ZNF200: variants seen among roughly 807,000 people sequenced by gnomAD.
ZNF200 encodes the protein zinc finger protein 200.
A neutral mutation model predicts 33.6 loss-of-function variants in ZNF200; 35 were observed. The ratio of observed to expected loss-of-function variants is 1.04; its 90% confidence interval spans 0.80 to 1.38. ZNF200 has a LOEUF of 1.38. Among genes scored for constraint, ZNF200 ranks in the 40% most tolerant of loss-of-function variants. ZNF200 has a pLI of 0.00. For missense variants in ZNF200, 592 were observed against 470.6 expected (o/e 1.26, Z -2.39); for synonymous variants, 209 against 167.7 (o/e 1.25, Z -1.90).
intron 4 of ZNF200, 26 bp from the exon 5 acceptor site, chr16:3,224,639 C>T (rs563505894): frequency 1.3e-6 from 2 of 1,553,672 alleles, no homozygotes; most frequent in African/African-American, 2.7e-5. Flanking sequence ...AATTTAACAA[C>T]TTCTGAGAGA....
At chr16:3,225,547 G>A (rs546959780) in intron 4 of ZNF200, 1 of 152,320 alleles carries the variant, frequency 6.6e-6, no homozygotes, top group East Asian at 1.9e-4. Context: ...AGGAAAGGAA[G>A]TAGTGAGTGG....
At position 3,233,795 on chromosome 16, in the gene ZNF200, C is replaced by T. The variant is rs748180731; in HGVS notation, c.-40G>A. 6 of 1,567,368 alleles carry T rather than the reference C, an allele frequency of 3.8e-6. No homozygotes were observed. The highest frequency in any genetic ancestry group is 1.2e-5 in the South Asian group (1 of 83,204). On this transcript the variant is annotated 5_prime_UTR_variant, in exon 2 of 5. Transcript: ENST00000414144. ...CACCACACTCGTTTCGCGGGGCCTC[C>T]AGAGCCACCTCTTACTAGAGGAAAT...
intron 4 of ZNF200, chr16:3,224,945 A>T (rs1274786508): frequency 4.2e-6 from 1 of 240,846 alleles, no homozygotes; most frequent in Admixed American, 5.0e-5. Context: ...AGGACTAGGG[A>T]TGAAGACTAT....
At position 3,229,875 on chromosome 16, in the gene ZNF200, A is replaced by G. The variant is rs529852720; in HGVS notation, c.466+2546T>C. 7.9e-3 allele frequency among the ~76,000 whole-genome samples: 1,181 copies of G among 150,178 alleles called. 16 individuals carry two copies. Among genetic ancestry groups the G allele is most frequent in the South Asian group, 0.055 (259 of 4,730 alleles). On this transcript the variant is annotated intron_variant, in intron 4 of 4. Coordinates refer to ENST00000414144, the MANE Select transcript of ZNF200 (RefSeq NM_198088.3). ...CGAGACTCCGTCTCAAAAAAAAAAA[A>G]GAAGGAAACTTCCAAATTCAAACAA...
rs1958700757 is a variant in ZNF200 at position 3,233,489 on chromosome 16, A to C, written c.250+17T>G. 11 of 1,504,832 alleles carry C rather than the reference A, an allele frequency of 7.3e-6. No individual in the cohort carries two copies. Among genetic ancestry groups the C allele is most frequent in the Non-Finnish European group, 6.2e-6 (7 of 1,128,422 alleles). The allele number at this position is 1,504,832 out of a possible 1,614,324, so 93.2% of individuals were successfully genotyped here. A position where few individuals can be genotyped will look rare whatever the true frequency, so the allele number is the denominator to read the frequency against. On this transcript the variant is annotated intron_variant, in intron 2 of 4. Transcript: ENST00000414144. ...CCTCCTCCTCCTCTTCTAGTGAAAC[A>C]AGCATGTGCTTCTCACCTCTGTTCT... is the stretch of plus-strand genomic sequence containing the variant.
At position 3,233,605 on chromosome 16, in the gene ZNF200, G is replaced by A; in HGVS notation, c.151C>T (p.Leu51Phe). Residue 51 changes from leucine (L) to phenylalanine (F), a missense_variant, in exon 2 of 5, where the codon CTC becomes TTC. By Grantham distance (22) the Leu-to-Phe change is conservative (BLOSUM62 0). Coordinates refer to ENST00000414144, the MANE Select transcript of ZNF200 (RefSeq NM_198088.3). Reference sequence around the variant, plus strand: ...AGGCTTGGCTTGGGCAAGAAGGTGAGGAAGTGCTCCAGCACTAGCTGGTGG... The same window carrying A: ...AGGCTTGGCTTGGGCAAGAAGGTGAAGAAGTGCTCCAGCACTAGCTGGTGG... ...TIHQLVLEHFLTFLPKPSLVQ... is the reference protein window; with the variant it reads ...TIHQLVLEHFFTFLPKPSLVQ... 1 of 1,613,766 alleles carries A rather than the reference G, an allele frequency of 6.2e-7. No individual in the cohort carries two copies. The highest frequency in any genetic ancestry group is 8.5e-7 in the Non-Finnish European group (1 of 1,179,904).
intron 4 of ZNF200, among the ~76,000 whole-genome samples, chr16:3,229,487 A>T (rs1958575663): frequency 6.6e-6 from 1 of 152,124 alleles, no homozygotes; most frequent in Admixed American, 6.5e-5. Context: ...AGAAAATTGA[A>T]ATTATCAAAA....
At position 3,224,009 on chromosome 16, in the gene ZNF200, ACT is replaced by A; in HGVS notation, c.1069_1070del (p.His358Ter). Reference sequence around the variant, plus strand: ...AACCATATGGTCTCTCAGCCTCATGACTCTGCAGATGAAGCACAAACTCCTCA... The same window carrying A: ...AACCATATGGTCTCTCAGCCTCATGACTGCAGATGAAGCACAAACTCCTCA... ...KNEEFVLHLQSHEAERPYGCK... is the reference protein window; with the variant it reads ...KNEEFVLHLQXHEAERPYGCK... On this transcript the variant is annotated frameshift_variant, in exon 5 of 5. Transcript: ENST00000414144. LOFTEE classifies it high-confidence loss of function. The A allele has an allele frequency of 6.2e-7, 1 of 1,614,060 alleles. No individual in the cohort carries two copies. The highest frequency in any genetic ancestry group is 8.5e-7 in the Non-Finnish European group (1 of 1,180,030).
chr16:3,223,209 A>AT lies in ZNF200; in HGVS notation c.*682dup, dbSNP rs1267519431. ...GAGATCAACAGCAGAACAAAATACA[A>AT]TAAGAACAGTAGACACCTAAATTAT... On this transcript the variant is annotated 3_prime_UTR_variant, in exon 5 of 5. Transcript: ENST00000414144. 6.6e-6 allele frequency: 1 copy of AT among 152,272 alleles called. No individual in the cohort carries two copies. The highest frequency in any genetic ancestry group is 1.5e-5 in the Non-Finnish European group (1 of 68,062). 9.4% of individuals were successfully genotyped at this position (152,272 alleles called of 1,614,324 possible).
intron 1 of ZNF200, 36 bp from the exon 2 acceptor site, chr16:3,233,872 C>CA (rs1567225739): frequency 1.3e-6 from 2 of 1,487,020 alleles, no homozygotes; most frequent in Non-Finnish European, 1.8e-6. Flanking sequence ...CCCAAAAGAC[C>CA]AGGCACGGCA....
At chr16:3,226,686 G>GT (rs1215090725) in intron 4 of ZNF200, 3 of 152,124 alleles carry the variant, frequency 2.0e-5, no homozygotes, top group East Asian at 3.9e-4. Flanking sequence ...CCAACCTTGT[G>GT]TTTTTACAAA....
chr16:3,232,575 T>C (rs1958663713), intron 3 of ZNF200, 28 bp from the exon 4 acceptor site: 1 of 1,610,388 alleles, frequency 6.2e-7, no homozygotes, highest in East Asian at 2.2e-5. Context: ...CCCTTTCATC[T>C]TAGTAACTGA....
At position 3,224,112 on chromosome 16, in the gene ZNF200, C is replaced by T. The variant is rs760267792; in HGVS notation, c.968G>A (p.Arg323Gln). ...CGKNFRQNSHRSRHEGIHIRE... is the reference protein window; with the variant it reads ...CGKNFRQNSHQSRHEGIHIRE... ...TATATGGATTCCTTCATGACGACTC[C>T]GATGAGAATTCTGACGGAAGTTTTT... Residue 323 changes from arginine to glutamine, a missense_variant, in exon 5 of 5, where the codon CGG becomes CAG. By Grantham distance (43) the Arg-to-Gln change is conservative. Transcript: ENST00000414144. 34 of 1,613,952 alleles carry T rather than the reference C, an allele frequency of 2.1e-5. No homozygotes were observed. Among genetic ancestry groups the T allele is most frequent in the Admixed American group, 6.7e-5 (4 of 59,988 alleles).
rs1295017176 is a variant in ZNF200 at position 3,222,540 on chromosome 16, A to G, written c.*1352T>C. ...TGTAAAACAAGTGAAGAAAATTAGA[A>G]AAATTTTCACAGGAATATAATACTC... On this transcript the variant is annotated 3_prime_UTR_variant, in exon 5 of 5. Transcript: ENST00000414144. 6.6e-6 allele frequency: 1 copy of G among 152,244 alleles called. No homozygotes were observed. Among genetic ancestry groups the G allele is most frequent in the Non-Finnish European group, 1.5e-5 (1 of 68,048 alleles). 9.4% of individuals were successfully genotyped at this position (152,244 alleles called of 1,614,324 possible).
intron 1 of ZNF200, among the ~76,000 whole-genome samples, chr16:3,234,395 G>A (rs953065064): frequency 6.6e-6 from 1 of 151,838 alleles, no homozygotes; most frequent in Non-Finnish European, 1.5e-5. Context: ...GCAAGACCCT[G>A]ACTCTAAAAA....
Position 3,226,638 on chromosome 16 carries a change from A to C in ZNF200, c.467-2025T>G, listed in dbSNP as rs1364873304. The C allele has an allele frequency of 2.0e-5, 3 of 152,230 alleles. No individual in the cohort carries two copies. The East Asian group carries it at 5.8e-4, about 29-fold the overall frequency. The allele number at this position is 152,230 out of a possible 1,614,324, so 9.4% of individuals were successfully genotyped here. Reference sequence around the variant, plus strand: ...ATGATTTCTTGTCTAAATAATTTTTAACTCAACTCTTCCTCTTTAACTACA... The same window carrying C: ...ATGATTTCTTGTCTAAATAATTTTTCACTCAACTCTTCCTCTTTAACTACA... On this transcript the variant is annotated intron_variant, in intron 4 of 4. Coordinates refer to ENST00000414144, the MANE Select transcript of ZNF200 (RefSeq NM_198088.3).
chr16:3,224,098 C>G lies in ZNF200; in HGVS notation c.982G>C (p.Gly328Arg), dbSNP rs767215457. ...AATATCTTCTCCCTTATATGGATTC[C>G]TTCATGACGACTCCGATGAGAATTC... ...RQNSHRSRHE[G>R]IHIREKIFKC... is the part of the protein sequence containing the mutation. Residue 328 changes from glycine (G) to arginine (R), a missense_variant, in exon 5 of 5, where the codon GGA becomes CGA. Transcript: ENST00000414144. 1.6e-5 allele frequency: 26 copies of G among 1,614,114 alleles called. No individual in the cohort carries two copies. Among genetic ancestry groups the G allele is most frequent in the Non-Finnish European group, 2.1e-5 (25 of 1,180,036 alleles).
chr16:3,233,533 C>G lies in ZNF200; in HGVS notation c.223G>C (p.Asp75His). The change falls in exon 2 of 5, where the codon GAT becomes CAT. Residue 75 changes from aspartate (D) to histidine (H), a missense_variant. By Grantham distance (81) the Asp-to-His change is moderately conservative (BLOSUM62 -1). Transcript: ENST00000414144. ...CTGTTCTGAAGGCTTGAGCTCACAT[C>G]TTTCATAATAACCAAGGTCTCCTTG... is the stretch of plus-strand genomic sequence containing the variant. The part of the protein sequence containing the change: ...KVKETLVIMK[D>H]VSSSLQNRVH... 1 of 1,574,392 alleles carries G rather than the reference C, an allele frequency of 6.4e-7. No individual in the cohort carries two copies. The highest frequency in any genetic ancestry group is 8.6e-7 in the Non-Finnish European group (1 of 1,161,386).
At chr16:3,232,795 T>C (rs929590278) in intron 3 of ZNF200, 38 bp downstream of exon 3, 1 of 1,600,424 alleles carries the variant, frequency 6.2e-7, no homozygotes, top group Non-Finnish European at 8.6e-7. Flanking sequence ...GCACGGAAGG[T>C]GATGGATTCA....
Sources: gnomAD v4.1 joint callset for allele counts (sites outside exome capture counted in the v4.1 genomes callset) on GRCh38, gnomAD v4.1.1 for gene constraint, MANE v1.5 for transcripts, NCBI Gene and HGNC (gene_info 2026-07-23, HGNC 2026-07-21) for gene names.